Variants in NF1 observed in about 807,000 individuals in gnomAD.
NF1 encodes neurofibromin.
Under a neutral mutation model 325.7 loss-of-function variants are expected in NF1, and 122 were observed. The ratio of observed to expected loss-of-function variants is 0.37; its 90% CI spans 0.32 to 0.44. NF1 has a LOEUF of 0.44. Among genes scored for constraint, NF1 ranks in the 20% least tolerant of loss-of-function variants. NF1 has a pLI of 1.00. For missense variants in NF1, 2,140 were observed against 3,415.4 expected (o/e 0.63, Z 9.31); for synonymous variants, 1,091 against 1,186.0 (o/e 0.92, Z 1.65).
chr17:31,367,024 A>C (rs756865570), intron 57 of NF1, among the ~76,000 whole-genome samples: 40 of 152,168 alleles, frequency 2.6e-4, no homozygotes, highest in Non-Finnish European at 4.6e-4. Context: ...AAAAAAATAC[A>C]TCTACAAAGT....
At chr17:31,124,018 C>G (rs1914655717) in intron 1 of NF1, among the ~76,000 whole-genome samples, 1 of 151,864 alleles carries the variant, frequency 6.6e-6, no homozygotes, top group Admixed American at 6.6e-5. Flanking sequence ...TGCAAAGGAT[C>G]CCAGAAATAG....
intron 1 of NF1, among the ~76,000 whole-genome samples, chr17:31,131,567 C>T (rs558411750): frequency 1.3e-5 from 2 of 152,312 alleles, no homozygotes; most frequent in African/African-American, 4.8e-5. Context: ...GATGTTCCTA[C>T]TGGCTGCAGC....
At chr17:31,285,988 A>G (rs2068219755) in intron 36 of NF1, among the ~76,000 whole-genome samples, 2 of 152,210 alleles carry the variant, frequency 1.3e-5, no homozygotes, top group Admixed American at 6.5e-5. Flanking sequence ...TGTGACATTT[A>G]TGTTTAAATT....
chr17:31,113,761 T>C (rs1302288543), intron 1 of NF1, among the ~76,000 whole-genome samples: 1 of 152,216 alleles, frequency 6.6e-6, no homozygotes, highest in Non-Finnish European at 1.5e-5. Flanking sequence ...CCTTAGGTGA[T>C]CCATCTGCCT....
chr17:31,345,759 C>T (rs2069960641), intron 48 of NF1: 2 of 1,599,610 alleles, frequency 1.3e-6, no homozygotes, highest in Admixed American at 1.7e-5. Context: ...GGAGAATAGG[C>T]GTGGCCAGCA....
intron 38 of NF1, among the ~76,000 whole-genome samples, chr17:31,328,625 C>T (rs745831052): frequency 6.6e-6 from 1 of 152,240 alleles, no homozygotes; most frequent in Non-Finnish European, 1.5e-5. Flanking sequence ...TCTCCTTGCA[C>T]CCTTTCTCCC....
chr17:31,332,326 C>T (rs978079787), intron 39 of NF1, among the ~76,000 whole-genome samples: 6 of 151,522 alleles, frequency 4.0e-5, no homozygotes, highest in Admixed American at 6.6e-5. Context: ...TAGCCGGGCT[C>T]GGTGGTACAT....
intron 36 of NF1, chr17:31,313,829 G>A (rs2068953484): frequency 2.7e-6 from 1 of 366,778 alleles, no homozygotes; most frequent in African/African-American, 2.1e-5. Flanking sequence ...GCTGAACTGA[G>A]TATTTTTTAA....
At chr17:31,233,234 G>C (rs2151435873) in intron 27 of NF1, 21 bp downstream of exon 27, 2 of 1,600,312 alleles carry the variant, frequency 1.2e-6, no homozygotes, top group Non-Finnish European at 1.7e-6. Flanking sequence ...AGAGTAAGCG[G>C]GGAAGAAAAG....
rs138227618 is a variant in NF1, at chr17:31,258,377, G to A, written c.4207G>A (p.Gly1403Ser). The A allele has an allele frequency of 7.0e-5, 113 of 1,613,564 alleles. No individual in the cohort carries two copies. The highest frequency in any genetic ancestry group is 9.0e-5 in the Non-Finnish European group (106 of 1,179,844). The change falls in exon 32 of 58, where the codon GGT becomes AGT. Residue 1403 changes from glycine (G) to serine (S), a missense_variant. Transcript: ENST00000358273. ...CCAGCGTTTCCCTCAGAACAGCATC[G>A]GTGCAGTAGGAAGTGCCATGTTCCT... The part of the protein sequence containing the change: ...VSQRFPQNSI[G>S]AVGSAMFLRF...
At chr17:31,316,629 T>C (rs2069027162) in intron 36 of NF1, among the ~76,000 whole-genome samples, 1 of 152,200 alleles carries the variant, frequency 6.6e-6, no homozygotes, top group Non-Finnish European at 1.5e-5. Flanking sequence ...TTTTCAATTT[T>C]TGCACAGAAT....
At chr17:31,119,374 A>G (rs1335167343) in intron 1 of NF1, among the ~76,000 whole-genome samples, 14 of 151,456 alleles carry the variant, frequency 9.2e-5, no homozygotes, top group Non-Finnish European at 2.9e-5. Context: ...ACCAGTGATG[A>G]TGAGCTTTTT....
At chr17:31,154,732 C>CTTTTTTTTTTTTTTTTTTT (rs71142026) in intron 1 of NF1, among the ~76,000 whole-genome samples, 2 of 103,404 alleles carry the variant, frequency 1.9e-5, no homozygotes, top group African/African-American at 3.7e-5. Flanking sequence ...TTAGTATTTC[C>CTTTTTTTTTTTTTTTTTTT]TTTTTTTTTT....
chr17:31,309,561 A>C (rs2151514971), intron 36 of NF1, among the ~76,000 whole-genome samples: 1 of 152,330 alleles, frequency 6.6e-6, no homozygotes, highest in East Asian at 1.9e-4. Flanking sequence ...ACTTCATTTT[A>C]AAAATCTGTT....
chr17:31,113,411 C>A (rs1567795214), intron 1 of NF1, among the ~76,000 whole-genome samples: 1 of 152,036 alleles, frequency 6.6e-6, no homozygotes, highest in Non-Finnish European at 1.5e-5. Flanking sequence ...ACGCTCGGCT[C>A]ATTTTCTTAT....
Position 31,332,622 on chromosome 17 carries a change from C to G in NF1, c.5812+2124C>G, listed in dbSNP as rs2069535990. 5.2e-5 allele frequency among the ~76,000 whole-genome samples: 2 copies of G among 38,660 alleles called. 1 individual carries two copies. The highest frequency in any genetic ancestry group is 1.0e-4 in the African/African-American group (2 of 19,736). The allele number at this position is 38,660 out of a possible 152,430, so 25.4% of individuals were successfully genotyped here. ...CTCTAAGTTTTAGGGTACATGTGCA[C>G]ATTGTGCAGGTTAGTTACATATGTA... On this transcript the variant is annotated intron_variant, in intron 39 of 57. Transcript: ENST00000358273.
At chr17:31,270,979 TCA>T in intron 36 of NF1, among the ~76,000 whole-genome samples, 1 of 152,222 alleles carries the variant, frequency 6.6e-6, no homozygotes, top group Non-Finnish European at 1.5e-5. Flanking sequence ...TCCAAGTGTT[TCA>T]TTTATTACTA....
chr17:31,337,944 G>A (rs972475083), intron 44 of NF1, 64 bp downstream of exon 44: 7 of 1,537,560 alleles, frequency 4.6e-6, no homozygotes, highest in Admixed American at 1.7e-5. Context: ...AGCTATTACT[G>A]TATGATCAAT....
chr17:31,300,826 G>A (rs2068558329), intron 36 of NF1, among the ~76,000 whole-genome samples: 2 of 152,042 alleles, frequency 1.3e-5, no homozygotes, highest in Non-Finnish European at 2.9e-5. Flanking sequence ...GTTGAACTTT[G>A]GGATTTATTG....
Sources: gnomAD v4.1 joint callset for allele counts (sites outside exome capture counted in the v4.1 genomes callset) on GRCh38, gnomAD v4.1.1 for gene constraint, MANE v1.5 for transcripts, NCBI Gene and HGNC (gene_info 2026-07-23, HGNC 2026-07-21) for gene names.